Variants in NUP58 observed in about 807,000 individuals in gnomAD.
NUP58 encodes nucleoporin p58/p45.
NUP58 carries 17 observed loss-of-function variants against 70.1 expected under a neutral mutation model. The ratio of observed to expected loss-of-function variants is 0.24; its 90% CI spans 0.17 to 0.36. The LOEUF is 0.36. Among genes scored for constraint, NUP58 ranks in the 10% least tolerant of loss-of-function variants. The probability of loss-of-function intolerance (pLI) is 1.00; values close to 1 mark genes in which losing one functional copy is unlikely to be tolerated. For synonymous variants in NUP58, 275 were observed against 257.6 expected (o/e 1.07, Z -0.65); for missense variants, 644 against 701.5 (o/e 0.92, Z 0.93).
intron 11 of NUP58, 109 bp downstream of exon 11, chr13:25,327,143 T>C: frequency 3.1e-6 from 2 of 638,794 alleles, no homozygotes; most frequent in Non-Finnish European, 5.5e-6. Context: ...TAAGAAAATT[T>C]CCTTAAAAGT....
intron 10 of NUP58, among the ~76,000 whole-genome samples, chr13:25,325,353 T>C (rs1168468910): frequency 6.6e-6 from 1 of 152,194 alleles, no homozygotes; most frequent in East Asian, 1.9e-4. Flanking sequence ...TTATTAAATT[T>C]TACTGGTAAT....
intron 1 of NUP58, among the ~76,000 whole-genome samples, chr13:25,307,031 G>A (rs1334041384): frequency 2.0e-5 from 3 of 151,868 alleles, no homozygotes; most frequent in Non-Finnish European, 2.9e-5. Context: ...CCATGAATGT[G>A]GTAATGTAGC....
chr13:25,332,705 A>T, intron 13 of NUP58: 2 of 985,430 alleles, frequency 2.0e-6, no homozygotes, highest in Non-Finnish European at 2.4e-6. Context: ...AATCCTCCAT[A>T]TCCCGTGGCT....
downstream of NUP58, among the ~76,000 whole-genome samples, chr13:25,343,702 C>G (rs895169569): frequency 6.6e-6 from 1 of 151,590 alleles, no homozygotes; most frequent in Non-Finnish European, 1.5e-5. Context: ...GGTAATCTGC[C>G]CGCCTCGGCC....
intron 4 of NUP58, 127 bp from the exon 5 acceptor site, chr13:25,313,487 G>C (rs971599846): frequency 7.4e-6 from 6 of 811,372 alleles, no homozygotes; most frequent in Non-Finnish European, 1.1e-5. Context: ...GTAATTTTTA[G>C]CAAGTAGTTC....
chr13:25,331,044 T>G (rs1212648486), intron 12 of NUP58, among the ~76,000 whole-genome samples: 1 of 152,200 alleles, frequency 6.6e-6, no homozygotes, highest in Non-Finnish European at 1.5e-5. Flanking sequence ...CATCCATCCA[T>G]CTGCACATTG....
chr13:25,326,998 G>A lies in NUP58; in HGVS notation c.1114G>A (p.Ala372Thr). ...GATTGAAGAACTAGAAAACCATCTT[G>A]CCACTCAAGCAAATAATTCACATAT... is the stretch of plus-strand genomic sequence containing the variant. ...QQIEELENHL[A>T]TQANNSHITP... is the part of the protein sequence containing the mutation. Residue 372 changes from alanine to threonine, a missense_variant, in exon 11 of 16, where the codon GCC becomes ACC. By Grantham distance (58) the Ala-to-Thr change is moderately conservative. This residue lies in a region of NUP58 where 78 missense variants were observed against 71.3 expected (regional missense o/e 1.09). Transcript: ENST00000381736. 6.2e-7 allele frequency: 1 copy of A among 1,603,706 alleles called. No homozygotes were observed. Among genetic ancestry groups the A allele is most frequent in the Non-Finnish European group, 8.5e-7 (1 of 1,174,088 alleles).
intron 5 of NUP58, among the ~76,000 whole-genome samples, chr13:25,314,740 C>T (rs1171623729): frequency 6.6e-6 from 1 of 152,062 alleles, no homozygotes; most frequent in Non-Finnish European, 1.5e-5. Context: ...TTTATCAACA[C>T]AAGATGCTTG....
chr13:25,336,944 C>A lies in NUP58; in HGVS notation c.1444C>A (p.Pro482Thr). 2 of 1,590,396 alleles carry A rather than the reference C, an allele frequency of 1.3e-6. No individual in the cohort carries two copies. The highest frequency in any genetic ancestry group is 1.7e-6 in the Non-Finnish European group (2 of 1,171,668). ...TTTTTTTTTTATACCAGGGCCACAGCCATCTCTGGGAGTTAGTTTTGGAAC... is the reference window on the plus strand; with the variant it reads ...TTTTTTTTTTATACCAGGGCCACAGACATCTCTGGGAGTTAGTTTTGGAAC... ...QQQQPATGPQ[P>T]SLGVSFGTPF... Residue 482 changes from proline to threonine, a missense_variant, in exon 14 of 16, where the codon CCA becomes ACA. This residue lies in a region of NUP58 where 132 missense variants were observed against 203.9 expected (regional missense o/e 0.65). Transcript: ENST00000381736.
chr13:25,323,276 A>G (rs2031259402), intron 9 of NUP58, among the ~76,000 whole-genome samples: 1 of 152,096 alleles, frequency 6.6e-6, no homozygotes. Flanking sequence ...TGGGCTTAAT[A>G]CCTAGGCGAT....
downstream of NUP58, among the ~76,000 whole-genome samples, chr13:25,344,186 G>GT (rs558706135): frequency 6.6e-5 from 10 of 151,960 alleles, no homozygotes; most frequent in South Asian, 1.0e-3. Context: ...CCAAATTAGG[G>GT]TTTTTTCTTA....
rs771671915 is a variant in NUP58 at position 25,313,564 on chromosome 13, T to A, written c.437-50T>A. The A allele has an allele frequency of 1.7e-5, 23 of 1,389,472 alleles. No homozygotes were observed. In the African/African-American group the frequency reaches 3.3e-4, roughly 20 times the overall value. 86.1% of individuals were successfully genotyped at this position (1,389,472 alleles called of 1,614,324 possible). ...ACATCGTATTTGTATTTTTCTATGG[T>A]GCTGTTAAATAAGTTGCCTTTTGAA... On this transcript the variant is annotated intron_variant, in intron 4 of 15. Coordinates refer to ENST00000381736, the MANE Select transcript of NUP58 (RefSeq NM_014089.4).
chr13:25,315,577 CAGTT>C lies in NUP58; in HGVS notation c.685+113_685+116del, dbSNP rs561532717. On this transcript the variant is annotated intron_variant, in intron 6 of 15. Transcript: ENST00000381736. Reference sequence around the variant, plus strand: ...TTAGCAGTTATATATTTAGTAGTAACAGTTAGCTATCTTAATGTGTATACGAATA... The same window carrying C: ...TTAGCAGTTATATATTTAGTAGTAACAGCTATCTTAATGTGTATACGAATA... The C allele has an allele frequency of 2.8e-4, 198 of 718,076 alleles. 2 individuals carry two copies. The East Asian group carries it at 3.5e-3, about 13-fold the overall frequency. 44.5% of individuals were successfully genotyped at this position (718,076 alleles called of 1,614,324 possible). A position where few individuals can be genotyped will look rare whatever the true frequency, so the allele number is the denominator to read the frequency against.
At chr13:25,345,966 TTAC>T (rs35518085), downstream of NUP58, among the ~76,000 whole-genome samples, 753 of 152,342 alleles carry the variant, frequency 4.9e-3, 11 homozygotes, top group African/African-American at 0.017. Context: ...CCTACCAGGC[TTAC>T]AAAGGTTTCA....
chr13:25,331,623 TAA>T (rs746851092), intron 13 of NUP58, 65 bp downstream of exon 13: 6 of 1,551,540 alleles, frequency 3.9e-6, no homozygotes, highest in Non-Finnish European at 5.2e-6. Flanking sequence ...TGCGTTTTTA[TAA>T]GTCTTCCATT....
downstream of NUP58, among the ~76,000 whole-genome samples, chr13:25,347,028 A>G (rs1244658509): frequency 1.3e-5 from 2 of 152,136 alleles, no homozygotes; most frequent in African/African-American, 4.8e-5. Flanking sequence ...CATCTTGGGG[A>G]TGGGATCCAA....
At chr13:25,311,995 G>T (rs940182509) in intron 3 of NUP58, among the ~76,000 whole-genome samples, 11 of 152,176 alleles carry the variant, frequency 7.2e-5, no homozygotes, top group African/African-American at 2.7e-4. Flanking sequence ...GGGACATCAA[G>T]ATAGAACTAG....
At chr13:25,316,539 ACTTT>A (rs2137756754) in intron 6 of NUP58, among the ~76,000 whole-genome samples, 1 of 152,302 alleles carries the variant, frequency 6.6e-6, no homozygotes, top group East Asian at 1.9e-4. Context: ...ACCTTTTTAA[ACTTT>A]TACAAAGTTT....
chr13:25,320,519 AT>A lies in NUP58; in HGVS notation c.711-6del. Reference sequence around the variant, plus strand: ...TCAATGACCTTAATACATGTTTTGCATTTTTCTTAGGGATAGTAAAGCTCTG... The same window carrying A: ...TCAATGACCTTAATACATGTTTTGCATTTTCTTAGGGATAGTAAAGCTCTG... On this transcript the variant is annotated splice_polypyrimidine_tract_variant and intron_variant, in intron 7 of 15. Coordinates refer to ENST00000381736, the MANE Select transcript of NUP58 (RefSeq NM_014089.4). The A allele has an allele frequency of 6.3e-7, 1 of 1,599,700 alleles. No homozygotes were observed. Among genetic ancestry groups the A allele is most frequent in the Non-Finnish European group, 8.6e-7 (1 of 1,168,796 alleles).
Sources: gnomAD v4.1 joint callset for allele counts (sites outside exome capture counted in the v4.1 genomes callset) on GRCh38, gnomAD v4.1.1 for gene constraint, gnomAD v4.1.1 regional missense constraint, MANE v1.5 for transcripts, NCBI Gene and HGNC (gene_info 2026-07-23, HGNC 2026-07-21) for gene names.